The following RSRC1 variants were observed in gnomAD, a reference collection of about 807,000 sequenced individuals.
The protein encoded by RSRC1 is arginine and serine rich coiled-coil 1.
In RSRC1, 39 loss-of-function variants were observed where a neutral mutation model predicts 49.1. The ratio of observed to expected loss-of-function variants is 0.79; its 90% CI spans 0.61 to 1.04. RSRC1 has a LOEUF of 1.04. RSRC1 is among the 50% of genes least tolerant of loss of function. The probability of loss-of-function intolerance (pLI) is 0.00; values close to 1 mark genes in which losing one functional copy is unlikely to be tolerated. For missense variants in RSRC1, 388 were observed against 402.4 expected (o/e 0.96, Z 0.31); for synonymous variants, 143 against 130.8 (o/e 1.09, Z -0.63).
intron 5 of RSRC1, among the ~76,000 whole-genome samples, chr3:158,331,954 A>G (rs1216186437): frequency 1.3e-5 from 2 of 151,782 alleles, no homozygotes; most frequent in African/African-American, 4.8e-5. Context: ...TATACAAAGC[A>G]GTACTTTTGA....
At chr3:158,158,278 A>G (rs1199711013) in intron 3 of RSRC1, among the ~76,000 whole-genome samples, 1 of 152,020 alleles carries the variant, frequency 6.6e-6, no homozygotes, top group Non-Finnish European at 1.5e-5. Context: ...TCAAACATGG[A>G]TGGAAAACAC....
intron 3 of RSRC1, among the ~76,000 whole-genome samples, chr3:158,167,924 A>G (rs1049937165): frequency 6.6e-6 from 1 of 152,128 alleles, no homozygotes; most frequent in African/African-American, 2.4e-5. Context: ...GCCTCTTTGA[A>G]GGTAAGAAAC....
chr3:158,540,461 C>A (rs923305193), intron 8 of RSRC1, among the ~76,000 whole-genome samples: 1 of 152,094 alleles, frequency 6.6e-6, no homozygotes, highest in African/African-American at 2.4e-5. Context: ...GCCCAGATAT[C>A]TATCCCTCAG....
At chr3:158,422,761 T>C (rs1270220182) in intron 6 of RSRC1, among the ~76,000 whole-genome samples, 2 of 150,032 alleles carry the variant, frequency 1.3e-5, no homozygotes, top group East Asian at 2.0e-4. Context: ...TTTTAATGAT[T>C]GCCATTCTAA....
Position 158,240,243 on chromosome 3 carries a change from T to C in RSRC1, c.494+36998T>C, listed in dbSNP as rs577613964. Reference sequence around the variant, plus strand: ...ATTTGAATGGGAATTCTGCTAATATTTTATCATTGAATATAATTTTGTTCT... The same window carrying C: ...ATTTGAATGGGAATTCTGCTAATATCTTATCATTGAATATAATTTTGTTCT... On this transcript the variant is annotated intron_variant, in intron 4 of 9. Coordinates refer to ENST00000611884, the MANE Select transcript of RSRC1 (RefSeq NM_001271838.2). Among the ~76,000 whole-genome samples, 6 of 152,282 alleles carry C rather than the reference T, an allele frequency of 3.9e-5. No individual in the cohort carries two copies. The East Asian group carries it at 7.7e-4, about 20-fold the overall frequency.
intron 5 of RSRC1, among the ~76,000 whole-genome samples, chr3:158,351,326 G>T (rs896967849): frequency 6.6e-6 from 1 of 152,148 alleles, no homozygotes; most frequent in African/African-American, 2.4e-5. Flanking sequence ...CACCAGTCAC[G>T]CTAAGAAAAG....
At chr3:158,110,515 C>T (rs1463941725) in intron 1 of RSRC1, 1 of 152,782 alleles carries the variant, frequency 6.5e-6, no homozygotes, top group East Asian at 1.9e-4. Context: ...GACTCCTCCC[C>T]TCGCCCCACG....
chr3:158,470,359 CACATAT>C (rs1377596162), intron 7 of RSRC1, among the ~76,000 whole-genome samples: 45 of 93,286 alleles, frequency 4.8e-4, no homozygotes, highest in African/African-American at 1.1e-3. Flanking sequence ...CACACACACA[CACATAT>C]ATATATATAT....
At chr3:158,384,954 G>T (rs1732891882) in intron 6 of RSRC1, among the ~76,000 whole-genome samples, 1 of 152,104 alleles carries the variant, frequency 6.6e-6, no homozygotes, top group South Asian at 2.1e-4. Context: ...AGCTGGATCA[G>T]TCAGCAGTTC....
intron 6 of RSRC1, among the ~76,000 whole-genome samples, chr3:158,357,111 G>A (rs1264654143): frequency 6.6e-6 from 1 of 152,164 alleles, no homozygotes; most frequent in Non-Finnish European, 1.5e-5. Flanking sequence ...AAGTTTTTAA[G>A]TCACTCTTTT....
chr3:158,155,322 C>T (rs1219432201), intron 3 of RSRC1, among the ~76,000 whole-genome samples: 3 of 152,272 alleles, frequency 2.0e-5, no homozygotes, highest in African/African-American at 7.2e-5. Context: ...CTCCTTGATT[C>T]AGGGACTACA....
At chr3:158,262,901 G>T (rs1205692013) in intron 4 of RSRC1, among the ~76,000 whole-genome samples, 1 of 151,962 alleles carries the variant, frequency 6.6e-6, no homozygotes, top group African/African-American at 2.4e-5. Flanking sequence ...CTTGTATCCT[G>T]CAGTCTCATT....
chr3:158,496,132 T>A (rs2108453227), intron 7 of RSRC1, among the ~76,000 whole-genome samples: 1 of 152,344 alleles, frequency 6.6e-6, no homozygotes, highest in South Asian at 2.1e-4. Flanking sequence ...TATTACATTC[T>A]TTATAAAATA....
intron 4 of RSRC1, among the ~76,000 whole-genome samples, chr3:158,228,991 T>C (rs1190584353): frequency 4.4e-5 from 3 of 68,868 alleles, no homozygotes; most frequent in South Asian, 5.5e-4. Context: ...TAAACACACA[T>C]ACGTGTATAT....
At chr3:158,294,504 T>TA (rs1217831852) in intron 4 of RSRC1, among the ~76,000 whole-genome samples, 1 of 152,122 alleles carries the variant, frequency 6.6e-6, no homozygotes, top group Non-Finnish European at 1.5e-5. Context: ...TTATACATCT[T>TA]ACAGTTTTCC....
chr3:158,328,828 G>A (rs554774030), intron 5 of RSRC1, among the ~76,000 whole-genome samples: 9 of 152,342 alleles, frequency 5.9e-5, no homozygotes, highest in Non-Finnish European at 1.0e-4. Flanking sequence ...ATCCTGAAGA[G>A]TGTTTTCCAG....
intron 5 of RSRC1, among the ~76,000 whole-genome samples, chr3:158,340,596 A>G (rs531609217): frequency 6.6e-6 from 1 of 152,246 alleles, no homozygotes; most frequent in South Asian, 2.1e-4. Flanking sequence ...GCCTCCCACC[A>G]TGATTTTGAG....
intron 4 of RSRC1, among the ~76,000 whole-genome samples, chr3:158,207,079 A>C (rs1350325103): frequency 6.6e-6 from 1 of 152,188 alleles, no homozygotes; most frequent in African/African-American, 2.4e-5. Context: ...TCATAGAGCT[A>C]ATAAACGGCA....
At chr3:158,461,921 G>C (rs1159811207) in intron 7 of RSRC1, among the ~76,000 whole-genome samples, 1 of 150,068 alleles carries the variant, frequency 6.7e-6, no homozygotes, top group East Asian at 2.0e-4. Flanking sequence ...CTACATGGAA[G>C]CTGAGATTCA....
Sources: allele counts gnomAD v4.1 joint callset (sites outside exome capture counted in the v4.1 genomes callset), GRCh38; gene constraint gnomAD v4.1.1; transcripts MANE v1.5; gene names NCBI Gene and HGNC (gene_info 2026-07-23, HGNC 2026-07-21).